The following LDLRAD4 variants were observed in gnomAD, a reference collection of about 807,000 sequenced individuals.
LDLRAD4 encodes the protein low density lipoprotein receptor class A domain containing 4, also known as low-density lipoprotein receptor class A domain-containing protein 4.
In LDLRAD4, 5 loss-of-function variants were observed where a neutral mutation model predicts 17.0. The ratio of observed to expected loss-of-function variants is 0.29; its 90% CI spans 0.15 to 0.62. The LOEUF (loss-of-function observed/expected upper bound fraction) is 0.62, where lower values mean the gene tolerates loss of function less well. Ranked by LOEUF, LDLRAD4 falls within the 20% of genes least tolerant of loss-of-function variation. The pLI is 0.84. For missense variants in LDLRAD4, 340 were observed against 424.7 expected (o/e 0.80, Z 1.75); for synonymous variants, 168 against 171.8 (o/e 0.98, Z 0.17).
At chr18:13,276,588 T>G (rs1158357733), upstream of LDLRAD4, among the ~76,000 whole-genome samples, 2 of 152,258 alleles carry the variant, frequency 1.3e-5, no homozygotes, top group Non-Finnish European at 2.9e-5. Flanking sequence ...GTTCCCTTGC[T>G]GCTTGTCAGC....
intron 2 of LDLRAD4, among the ~76,000 whole-genome samples, chr18:13,434,267 A>G (rs776437045): frequency 6.6e-6 from 1 of 151,100 alleles, no homozygotes; most frequent in Non-Finnish European, 1.5e-5. Context: ...TTTTTTAATA[A>G]GAAATCAAAT....
intron 3 of LDLRAD4, among the ~76,000 whole-genome samples, chr18:13,550,966 CT>C (rs1263635684): frequency 7.9e-5 from 12 of 152,186 alleles, no homozygotes; most frequent in Admixed American, 7.9e-4. Context: ...GTCATGCCCC[CT>C]CTGTGCTCAT....
intron 1 of LDLRAD4, among the ~76,000 whole-genome samples, chr18:13,263,640 C>T (rs1381004973): frequency 3.3e-5 from 5 of 152,128 alleles, no homozygotes; most frequent in Admixed American, 6.5e-5. Flanking sequence ...CTCCTGTGCC[C>T]GAATTTCTCC....
chr18:13,397,175 G>A (rs971198274), intron 2 of LDLRAD4, among the ~76,000 whole-genome samples: 3 of 151,878 alleles, frequency 2.0e-5, no homozygotes, highest in Non-Finnish European at 2.9e-5. Context: ...TCTCTCTGTC[G>A]CTCTGTCGCC....
At chr18:13,312,610 C>G (rs2146756364) in intron 1 of LDLRAD4, among the ~76,000 whole-genome samples, 1 of 152,212 alleles carries the variant, frequency 6.6e-6, no homozygotes, top group Non-Finnish European at 1.5e-5. Context: ...GGTATGATGA[C>G]ATGTGTCTGT....
chr18:13,493,400 C>G (rs994867755), intron 3 of LDLRAD4, among the ~76,000 whole-genome samples: 23 of 152,000 alleles, frequency 1.5e-4, no homozygotes, highest in African/African-American at 5.1e-4. Context: ...GCTTTTAGGG[C>G]TAGAAAAATT....
intron 3 of LDLRAD4, among the ~76,000 whole-genome samples, chr18:13,604,156 CA>C (rs1199203661): frequency 5.9e-5 from 9 of 152,182 alleles, no homozygotes; most frequent in African/African-American, 2.2e-4. Flanking sequence ...GTATATGCTC[CA>C]GTATAAAACT....
At chr18:13,527,569 G>A (rs931794726) in intron 3 of LDLRAD4, among the ~76,000 whole-genome samples, 2 of 152,170 alleles carry the variant, frequency 1.3e-5, no homozygotes, top group South Asian at 2.1e-4. Context: ...TCCCTCACCC[G>A]CGGGCTTTCT....
chr18:13,281,087 A>G (rs1270508574), intron 1 of LDLRAD4, among the ~76,000 whole-genome samples: 1 of 152,226 alleles, frequency 6.6e-6, no homozygotes, highest in Non-Finnish European at 1.5e-5. Context: ...CCGTGCAATA[A>G]AACAGATTAA....
At chr18:13,272,540 GTC>G (rs1171744108) in intron 1 of LDLRAD4, among the ~76,000 whole-genome samples, 3 of 152,220 alleles carry the variant, frequency 2.0e-5, no homozygotes, top group Non-Finnish European at 4.4e-5. Context: ...TTTCGCCTCT[GTC>G]TCGCTCCTCC....
intron 3 of LDLRAD4, among the ~76,000 whole-genome samples, chr18:13,619,523 G>GC (rs1568415563): frequency 6.9e-6 from 1 of 144,300 alleles, no homozygotes; most frequent in African/African-American, 2.6e-5. Flanking sequence ...GCCGGGGGGG[G>GC]GCGGGGGTGG....
At chr18:13,402,322 C>T (rs1465286357) in intron 2 of LDLRAD4, among the ~76,000 whole-genome samples, 3 of 152,170 alleles carry the variant, frequency 2.0e-5, no homozygotes. Context: ...CGAACTCACA[C>T]TTCTCTTATA....
intron 3 of LDLRAD4, among the ~76,000 whole-genome samples, chr18:13,543,836 C>T (rs189060365): frequency 3.5e-4 from 54 of 152,320 alleles, no homozygotes; most frequent in East Asian, 3.3e-3. Context: ...TAAGGAAAAA[C>T]GACCGCCAAC....
chr18:13,355,864 C>T (rs1288656109), intron 1 of LDLRAD4, among the ~76,000 whole-genome samples: 3 of 152,188 alleles, frequency 2.0e-5, no homozygotes, highest in African/African-American at 7.2e-5. Context: ...CTCCTGGCCT[C>T]AAGTGATCCT....
intron 1 of LDLRAD4, among the ~76,000 whole-genome samples, chr18:13,286,996 A>C (rs894605594): frequency 6.6e-6 from 1 of 152,088 alleles, no homozygotes. Flanking sequence ...GGTGGCGCTC[A>C]CTCCGAGTGG....
chr18:13,274,674 T>A (rs534491184), upstream of LDLRAD4, among the ~76,000 whole-genome samples: 1 of 147,078 alleles, frequency 6.8e-6, no homozygotes, highest in African/African-American at 2.7e-5. Flanking sequence ...ATGAATAAAG[T>A]TTTTCTTTTG....
intron 3 of LDLRAD4, among the ~76,000 whole-genome samples, chr18:13,594,780 G>T (rs544201947): frequency 1.3e-5 from 2 of 150,718 alleles, no homozygotes. Context: ...TCTCCAAAAA[G>T]AAGTTGTCTG....
intron 1 of LDLRAD4, among the ~76,000 whole-genome samples, chr18:13,371,051 A>T (rs1259194580): frequency 6.6e-6 from 1 of 152,052 alleles, no homozygotes; most frequent in Non-Finnish European, 1.5e-5. Flanking sequence ...ACCGGAAAAC[A>T]TTGCCAGAAT....
intron 3 of LDLRAD4, among the ~76,000 whole-genome samples, chr18:13,554,482 T>C (rs895127616): frequency 9.9e-5 from 15 of 152,140 alleles, no homozygotes; most frequent in African/African-American, 3.4e-4. Flanking sequence ...TTCACCTTTA[T>C]GTAGTCAGGT....
Sources: gnomAD v4.1 joint callset for allele counts (sites outside exome capture counted in the v4.1 genomes callset) on GRCh38, gnomAD v4.1.1 for gene constraint, MANE v1.5 for transcripts, NCBI Gene and HGNC (gene_info 2026-07-23, HGNC 2026-07-21) for gene names.